TRIM71: variants seen among roughly 807,000 people sequenced by gnomAD.
The protein encoded by TRIM71 is tripartite motif containing 71, also known as E3 ubiquitin-protein ligase TRIM71.
Under a neutral mutation model 61.2 loss-of-function variants are expected in TRIM71, and 9 were observed. The observed-to-expected ratio is 0.15, with a 90% CI of 0.09 to 0.26. TRIM71 has a LOEUF of 0.26. TRIM71 is among the 10% of genes least tolerant of loss of function. The pLI, the probability that TRIM71 is intolerant of heterozygous loss-of-function variation, is 1.00. For missense variants in TRIM71, 998 were observed against 1,238.7 expected, an observed-to-expected ratio of 0.81 and a Z score of 2.92; for synonymous variants, 645 against 553.2, an observed-to-expected ratio of 1.17 and a Z score of -2.33.
In TRIM71 at chr3:32,885,918, CT is replaced by C. The variant is rs1559551156; in HGVS notation, c.1021-11del. ...TCCTTCTAATGCCTCGAAGTTGTTTCTTTTTGGTTTTCCAGCTGAGCATCGA... is the reference window on the plus strand; with the variant it reads ...TCCTTCTAATGCCTCGAAGTTGTTTCTTTTGGTTTTCCAGCTGAGCATCGA... On this transcript the variant is annotated splice_polypyrimidine_tract_variant and intron_variant, in intron 2 of 3. Coordinates refer to ENST00000383763, the MANE Select transcript of TRIM71 (RefSeq NM_001039111.3). 6.2e-7 allele frequency: 1 copy of C among 1,607,962 alleles called. No homozygotes were observed. The highest frequency in any genetic ancestry group is 8.5e-7 in the Non-Finnish European group (1 of 1,177,934).
chr3:32,831,184 G>A (rs895774243), intron 1 of TRIM71, among the ~76,000 whole-genome samples: 2 of 152,140 alleles, frequency 1.3e-5, no homozygotes, highest in Non-Finnish European at 2.9e-5. Context: ...GAAAGGGGAA[G>A]AGTGGCTTGA....
chr3:32,888,798 C>T (rs1222540942), intron 3 of TRIM71, among the ~76,000 whole-genome samples: 1 of 152,110 alleles, frequency 6.6e-6, no homozygotes, highest in African/African-American at 2.4e-5. Context: ...TCTTGGCCTC[C>T]CAAAGCATGA....
intron 2 of TRIM71, among the ~76,000 whole-genome samples, chr3:32,874,324 T>TGCTTATTACTACTAC (rs1696830439): frequency 4.1e-5 from 5 of 121,486 alleles, no homozygotes; most frequent in African/African-American, 1.9e-4. Flanking sequence ...TTAATGCTTA[T>TGCTTATTACTACTAC]TACTACTACT....
intron 1 of TRIM71, among the ~76,000 whole-genome samples, chr3:32,868,356 A>G (rs1181628846): frequency 2.0e-5 from 3 of 152,250 alleles, no homozygotes; most frequent in Non-Finnish European, 4.4e-5. Flanking sequence ...CAAGTGATGT[A>G]ACAATTGAAT....
In TRIM71 at chr3:32,895,900, G is replaced by A. The variant is rs1697072812; in HGVS notation, c.*4089G>A. 1 of 152,626 alleles carries A rather than the reference G, an allele frequency of 6.6e-6. No homozygotes were observed. The highest frequency in any genetic ancestry group is 2.4e-5 in the African/African-American group (1 of 41,484). The allele number at this position is 152,626 out of a possible 1,614,324, so 9.5% of individuals were successfully genotyped here. A position where few individuals can be genotyped will look rare whatever the true frequency, so the allele number is the denominator to read the frequency against. On this transcript the variant is annotated 3_prime_UTR_variant, in exon 4 of 4. Transcript: ENST00000383763. ...AAGAATAGTATTAATCCAGTGGGCA[G>A]TGGGTGGGAGTGGGAAGCTACCTCT...
chr3:32,890,341 C>T lies in TRIM71; in HGVS notation c.1156-19C>T, dbSNP rs529366261. The T allele has an allele frequency of 5.4e-5, 87 of 1,600,392 alleles. 1 individual carries two copies. The South Asian group carries it at 7.7e-4, about 14-fold the overall frequency. On this transcript the variant is annotated intron_variant, in intron 3 of 3. Coordinates refer to ENST00000383763, the MANE Select transcript of TRIM71 (RefSeq NM_001039111.3). The surrounding 1 kb of genome is among the most constrained non-coding windows in gnomAD (Gnocchi z 6.2). ...CTCTAAGCCTCTGTGTCTTTCTCCACTCTTGCTTTTCCCTCCAGGTAGAAA... is the reference window on the plus strand; with the variant it reads ...CTCTAAGCCTCTGTGTCTTTCTCCATTCTTGCTTTTCCCTCCAGGTAGAAA...
chr3:32,819,392 G>C (rs1696103122), intron 1 of TRIM71, among the ~76,000 whole-genome samples: 1 of 152,152 alleles, frequency 6.6e-6, no homozygotes, highest in Non-Finnish European at 1.5e-5. Context: ...CGTGAGCCCG[G>C]AAGAGATGGT....
intron 1 of TRIM71, among the ~76,000 whole-genome samples, chr3:32,824,530 C>G (rs1442624113): frequency 6.7e-6 from 1 of 150,084 alleles, no homozygotes; most frequent in Non-Finnish European, 1.5e-5. Flanking sequence ...TCTCACTCAT[C>G]CCAGGCTGGA....
rs910029956 is a variant in TRIM71 at position 32,892,513 on chromosome 3, A to G, written c.*702A>G. The stretch of plus-strand genomic sequence containing the variant: ...TTAGACGTTGTGGCTGTGGCTTGCT[A>G]GCCAAGAAAAGCAGACCCTTCATAT... On this transcript the variant is annotated 3_prime_UTR_variant, in exon 4 of 4. Transcript: ENST00000383763. 2 of 152,128 alleles carry G rather than the reference A, an allele frequency of 1.3e-5. No individual in the cohort carries two copies. The allele number at this position is 152,128 out of a possible 1,614,324, so 9.4% of individuals were successfully genotyped here.
chr3:32,845,555 TTTC>T (rs1380070923), intron 1 of TRIM71, among the ~76,000 whole-genome samples: 2 of 152,168 alleles, frequency 1.3e-5, no homozygotes, highest in Non-Finnish European at 2.9e-5. Flanking sequence ...GTACAAACCC[TTTC>T]TTTAACTCAG....
chr3:32,853,260 G>A (rs975095183), intron 1 of TRIM71, among the ~76,000 whole-genome samples: 2 of 151,880 alleles, frequency 1.3e-5, no homozygotes, highest in Non-Finnish European at 2.9e-5. Context: ...GGGATTACAG[G>A]TGCATGCCAC....
chr3:32,885,835 G>T, intron 2 of TRIM71, 99 bp from the exon 3 acceptor site: 6 of 1,487,022 alleles, frequency 4.0e-6, no homozygotes, highest in Non-Finnish European at 5.4e-6. Context: ...GGAACCCAGG[G>T]TGTCAGCTTT....
intron 2 of TRIM71, among the ~76,000 whole-genome samples, chr3:32,876,401 T>G (rs938075326): frequency 6.6e-6 from 1 of 152,138 alleles, no homozygotes; most frequent in East Asian, 1.9e-4. Flanking sequence ...CTGGCCAACA[T>G]GGTGAAACCC....
At chr3:32,868,670 T>G (rs1696765106) in intron 1 of TRIM71, among the ~76,000 whole-genome samples, 1 of 147,406 alleles carries the variant, frequency 6.8e-6, no homozygotes, top group African/African-American at 2.4e-5. Flanking sequence ...TGGAGACAAT[T>G]GAGTGAGACA....
chr3:32,854,618 A>G (rs1696576144), intron 1 of TRIM71, among the ~76,000 whole-genome samples: 1 of 152,222 alleles, frequency 6.6e-6, no homozygotes, highest in Non-Finnish European at 1.5e-5. Context: ...ACAAGGCATC[A>G]TCTGGCTAAA....
At chr3:32,856,928 G>A (rs1696612640) in intron 1 of TRIM71, among the ~76,000 whole-genome samples, 1 of 152,138 alleles carries the variant, frequency 6.6e-6, no homozygotes, top group Non-Finnish European at 1.5e-5. Flanking sequence ...ACCCCGAGAG[G>A]AAATGTAGTA....
chr3:32,848,962 G>C (rs758109277), intron 1 of TRIM71, among the ~76,000 whole-genome samples: 2 of 152,090 alleles, frequency 1.3e-5, no homozygotes, highest in Non-Finnish European at 2.9e-5. Flanking sequence ...AAGCTCTGGG[G>C]GTCTAGGGTT....
intron 1 of TRIM71, among the ~76,000 whole-genome samples, chr3:32,850,334 C>G (rs1696524218): frequency 6.6e-6 from 1 of 152,098 alleles, no homozygotes; most frequent in South Asian, 2.1e-4. Context: ...GAAATTGTTT[C>G]CCAAAGGATT....
intron 1 of TRIM71, among the ~76,000 whole-genome samples, chr3:32,860,402 T>C (rs1696654351): frequency 6.6e-6 from 1 of 152,022 alleles, no homozygotes; most frequent in East Asian, 1.9e-4. Flanking sequence ...GTGATCCACC[T>C]GCCTCGGACT....
Sources: allele counts gnomAD v4.1 joint callset (sites outside exome capture counted in the v4.1 genomes callset), GRCh38; gene constraint gnomAD v4.1.1; non-coding constraint Gnocchi (gnomAD v3.1); transcripts MANE v1.5; gene names NCBI Gene and HGNC (gene_info 2026-07-23, HGNC 2026-07-21).